Variants in HEATR5B observed in about 807,000 individuals in gnomAD.
HEATR5B encodes HEAT repeat containing 5B.
Under a neutral mutation model 224.1 loss-of-function variants are expected in HEATR5B, and 156 were observed. The ratio of observed to expected loss-of-function variants is 0.70; its 90% CI spans 0.61 to 0.80. HEATR5B has a LOEUF of 0.80. Ranked by LOEUF, HEATR5B falls within the 30% of genes least tolerant of loss-of-function variation. The pLI is 0.00. For missense variants in HEATR5B, 2,323 were observed against 2,535.5 expected (o/e 0.92, Z 1.80); for synonymous variants, 1,027 against 893.0 (o/e 1.15, Z -2.68).
chr2:37,052,250 G>C (rs919657174), intron 17 of HEATR5B, among the ~76,000 whole-genome samples: 1 of 152,164 alleles, frequency 6.6e-6, no homozygotes, highest in Non-Finnish European at 1.5e-5. Context: ...CTGTGAGATA[G>C]GCAAACTATT....
chr2:37,053,885 G>A (rs1166423848), intron 16 of HEATR5B, among the ~76,000 whole-genome samples: 2 of 151,478 alleles, frequency 1.3e-5, no homozygotes, highest in South Asian at 4.2e-4. Flanking sequence ...CCAACAAAGC[G>A]CCTGGCATCT....
intron 33 of HEATR5B, among the ~76,000 whole-genome samples, chr2:36,991,051 T>G (rs1280621120): frequency 6.6e-6 from 1 of 152,178 alleles, no homozygotes; most frequent in Admixed American, 6.5e-5. Flanking sequence ...GTACTTGCCT[T>G]AATCTAATAC....
Position 37,002,386 on chromosome 2 carries a change from C to T in HEATR5B, c.5237G>A (p.Arg1746Gln), listed in dbSNP as rs761680278. ...CAAACGAGCACTTTCTTCTGATAGT[C>T]GAGTTTTAGTGGCTATGTGACTTGG... ...DSPSHIATKT[R>Q]LSEESARLVA... is the part of the protein sequence containing the mutation. Residue 1746 changes from arginine (R) to glutamine (Q), a missense_variant, in exon 32 of 36, where the codon CGA becomes CAA. By Grantham distance (43) the Arg-to-Gln change is conservative. Coordinates refer to ENST00000233099, the MANE Select transcript of HEATR5B (RefSeq NM_019024.3). The T allele has an allele frequency of 4.2e-5, 67 of 1,614,026 alleles. No homozygotes were observed. The highest frequency in any genetic ancestry group is 3.5e-4 in the Admixed American group (21 of 59,998).
chr2:37,044,111 T>C (rs1282687393), intron 18 of HEATR5B, among the ~76,000 whole-genome samples: 1 of 152,194 alleles, frequency 6.6e-6, no homozygotes, highest in East Asian at 1.9e-4. Context: ...AACTAAGTCT[T>C]CAAAATCCAA....
chr2:37,008,735 T>G lies in HEATR5B; in HGVS notation c.4398A>C (p.Pro1466=). 6.2e-7 allele frequency: 1 copy of G among 1,614,040 alleles called. No individual in the cohort carries two copies. Among genetic ancestry groups the G allele is most frequent in the Non-Finnish European group, 8.5e-7 (1 of 1,179,896 alleles). The stretch of plus-strand genomic sequence containing the variant: ...GTTGTACCAGTGTTATTAAACTATC[T>G]GGTGGCAGTTCATCGATGGTACCAC... ...DDCGTIDELP[P]DSLITLVQPE... is the part of the protein sequence containing the mutation. The change falls in exon 28 of 36, where the codon CCA becomes CCC. Residue 1466 remains proline (P), a synonymous_variant. Coordinates refer to ENST00000233099, the MANE Select transcript of HEATR5B (RefSeq NM_019024.3).
intron 2 of HEATR5B, among the ~76,000 whole-genome samples, chr2:37,082,409 TACAC>T (rs899493908): frequency 1.3e-4 from 20 of 151,986 alleles, no homozygotes; most frequent in African/African-American, 4.8e-4. Context: ...GAATATAAAA[TACAC>T]AGACAATAAA....
intron 8 of HEATR5B, 30 bp downstream of exon 8, chr2:37,068,651 A>G: frequency 6.2e-7 from 1 of 1,608,586 alleles, no homozygotes; most frequent in Non-Finnish European, 8.5e-7. Context: ...GACTAAGGTA[A>G]TCAACACACA....
chr2:36,988,682 G>T lies in HEATR5B; in HGVS notation c.5875C>A (p.Leu1959Ile). The T allele has an allele frequency of 8.1e-6, 13 of 1,614,010 alleles. No homozygotes were observed. The highest frequency in any genetic ancestry group is 1.1e-5 in the Non-Finnish European group (13 of 1,179,950). ...TCACCAAGAGCAACCAGTGTTTCAA[G>T]AACTTTTATTCCTTCTTGAACCGCT... ...LLAVQEGIKVLETLVALGEEQ... is the reference protein window; with the variant it reads ...LLAVQEGIKVIETLVALGEEQ... Residue 1959 changes from leucine to isoleucine, a missense_variant, in exon 35 of 36, where the codon CTT becomes ATT. Transcript: ENST00000233099.
intron 11 of HEATR5B, among the ~76,000 whole-genome samples, chr2:37,061,572 A>G (rs1418916338): frequency 6.6e-6 from 1 of 152,232 alleles, no homozygotes; most frequent in African/African-American, 2.4e-5. Context: ...CCAGAAAAGC[A>G]GCACTAACAA....
At chr2:37,055,904 A>G (rs1670878253) in intron 16 of HEATR5B, among the ~76,000 whole-genome samples, 1 of 152,240 alleles carries the variant, frequency 6.6e-6, no homozygotes, top group South Asian at 2.1e-4. Context: ...GTGTCTGTGG[A>G]TACAGAATAT....
In HEATR5B at chr2:37,038,005, A is replaced by T. The variant is rs980071226; in HGVS notation, c.3066T>A (p.Ser1022=). Residue 1022 remains serine, a synonymous_variant, in exon 21 of 36, where the codon TCT becomes TCA. Coordinates refer to ENST00000233099, the MANE Select transcript of HEATR5B (RefSeq NM_019024.3). The part of the protein sequence containing the change: ...PELQGNGATT[S]TIRSSCLVGC... ...CCACCAAACAAGAGGAACGAATTGT[A>T]GAAGTTGTTGCTCCATTCCCTGGTG... 1 of 1,564,308 alleles carries T rather than the reference A, an allele frequency of 6.4e-7. No homozygotes were observed. Among genetic ancestry groups the T allele is most frequent in the South Asian group, 1.2e-5 (1 of 81,456 alleles).
chr2:37,035,875 T>C (rs1402353943), intron 21 of HEATR5B, among the ~76,000 whole-genome samples: 2 of 152,170 alleles, frequency 1.3e-5, no homozygotes, highest in African/African-American at 4.8e-5. Context: ...ACTGAATTAA[T>C]GATATCCACT....
intron 35 of HEATR5B, among the ~76,000 whole-genome samples, chr2:36,984,215 A>AAAAAAT: frequency 2.6e-5 from 2 of 77,644 alleles, no homozygotes; most frequent in African/African-American, 1.2e-4. Context: ...AAAAAAAAAA[A>AAAAAAT]ATATATATAT....
At chr2:37,034,043 T>C (rs1163470368) in intron 21 of HEATR5B, among the ~76,000 whole-genome samples, 2 of 152,114 alleles carry the variant, frequency 1.3e-5, no homozygotes, top group Non-Finnish European at 2.9e-5. Flanking sequence ...CCCTTCACAA[T>C]GCCAGATAGT....
chr2:37,000,949 A>G (rs545304870), intron 32 of HEATR5B, 136 bp from the exon 33 acceptor site: 2 of 605,650 alleles, frequency 3.3e-6, no homozygotes, highest in South Asian at 4.2e-5. Flanking sequence ...AATTTACTGT[A>G]TTACTACTAC....
chr2:36,991,086 T>C (rs1666295560), intron 33 of HEATR5B, among the ~76,000 whole-genome samples: 1 of 152,202 alleles, frequency 6.6e-6, no homozygotes, highest in Non-Finnish European at 1.5e-5. Flanking sequence ...TGTAAGAAGT[T>C]CAATGTATAA....
intron 14 of HEATR5B, among the ~76,000 whole-genome samples, chr2:37,058,247 C>T (rs1671035658): frequency 6.6e-6 from 1 of 152,034 alleles, no homozygotes; most frequent in Admixed American, 6.6e-5. Context: ...GCAACACAGT[C>T]AAAAAGCTAA....
chr2:37,055,210 A>C, intron 16 of HEATR5B: 1 of 214,992 alleles, frequency 4.7e-6, no homozygotes, highest in Non-Finnish European at 9.9e-6. Context: ...CTTCTATCAA[A>C]ACACTGTCTC....
rs1553411467 is a variant in HEATR5B at position 36,984,213 on chromosome 2, A to ATAT, written c.5912-2420_5912-2419insATA. 1.1e-3 allele frequency among the ~76,000 whole-genome samples: 96 copies of ATAT among 86,102 alleles called. 2 individuals carry two copies. The highest frequency in any genetic ancestry group is 4.4e-3 in the African/African-American group (95 of 21,612). 56.5% of individuals were successfully genotyped at this position (86,102 alleles called of 152,430 possible). ...GAAACTCTGTCTCAAAAAAAAAAAAAAAATATATATATATATATATATATA... is the reference window on the plus strand; with the variant it reads ...GAAACTCTGTCTCAAAAAAAAAAAAATATAAATATATATATATATATATATATA... On this transcript the variant is annotated intron_variant, in intron 35 of 35. Coordinates refer to ENST00000233099, the MANE Select transcript of HEATR5B (RefSeq NM_019024.3).
Sources: gnomAD v4.1 joint callset for allele counts (sites outside exome capture counted in the v4.1 genomes callset) on GRCh38, gnomAD v4.1.1 for gene constraint, MANE v1.5 for transcripts, NCBI Gene and HGNC (gene_info 2026-07-23, HGNC 2026-07-21) for gene names.